ATP6V1B2: variants seen among roughly 807,000 people sequenced by gnomAD.
ATP6V1B2 encodes the protein ATPase H+ transporting V1 subunit B2.
A neutral mutation model predicts 66.7 loss-of-function variants in ATP6V1B2; 23 were observed. The ratio of observed to expected loss-of-function variants is 0.34; its 90% CI spans 0.25 to 0.49. The LOEUF is 0.49. Ranked by LOEUF, ATP6V1B2 falls within the 20% of genes least tolerant of loss-of-function variation. The pLI is 0.99. For synonymous variants in ATP6V1B2, 278 were observed against 236.7 expected (o/e 1.17, Z -1.60); for missense variants, 478 against 650.8 (o/e 0.73, Z 2.89).
At chr8:20,199,009 A>G (rs372470684) in intron 1 of ATP6V1B2, among the ~76,000 whole-genome samples, 12 of 152,222 alleles carry the variant, frequency 7.9e-5, no homozygotes, top group Non-Finnish European at 1.5e-4. Flanking sequence ...ACAGATAGAC[A>G]TTAGTGGTGC....
intron 12 of ATP6V1B2, among the ~76,000 whole-genome samples, 170 bp from the exon 13 acceptor site, chr8:20,217,983 G>A (rs1019978543): frequency 3.3e-5 from 5 of 152,186 alleles, no homozygotes; most frequent in Admixed American, 1.3e-4. Context: ...TCCTTTCTGA[G>A]TGAGAATATA....
At chr8:20,212,034 G>C in intron 7 of ATP6V1B2, 68 bp from the exon 8 acceptor site, 1 of 1,406,370 alleles carries the variant, frequency 7.1e-7, no homozygotes, top group Non-Finnish European at 9.9e-7. Context: ...TCTGTAGCTT[G>C]GCTTTCATCA....
At chr8:20,212,326 G>A in intron 8 of ATP6V1B2, 127 bp downstream of exon 8, 1 of 841,512 alleles carries the variant, frequency 1.2e-6, no homozygotes, top group Non-Finnish European at 1.9e-6. Context: ...TGTATTTAAA[G>A]TCCAGCCCTG....
intron 12 of ATP6V1B2, 60 bp downstream of exon 12, chr8:20,217,384 A>G (rs1480805616): frequency 7.0e-7 from 1 of 1,432,528 alleles, no homozygotes; most frequent in African/African-American, 1.4e-5. Context: ...GCTGTCTTAC[A>G]CCTCTTGTCT....
chr8:20,216,209 A>T (rs1247851942), intron 10 of ATP6V1B2: 3 of 386,194 alleles, frequency 7.8e-6, no homozygotes, highest in African/African-American at 6.2e-5. Flanking sequence ...TTAGATAGCC[A>T]CATTTGGCTA....
intron 1 of ATP6V1B2, among the ~76,000 whole-genome samples, chr8:20,199,604 G>GTTTTTTTT (rs11356003): frequency 2.3e-5 from 2 of 87,600 alleles, no homozygotes; most frequent in Non-Finnish European, 2.1e-5. Flanking sequence ...ATTTTTGTGG[G>GTTTTTTTT]TTTTTTTTTT....
intron 9 of ATP6V1B2, chr8:20,213,943 A>G (rs1355369641): frequency 2.0e-5 from 3 of 152,164 alleles, no homozygotes; most frequent in African/African-American, 7.2e-5. Flanking sequence ...TATATATATA[A>G]TTTACAAATG....
chr8:20,219,877 C>T (rs781440672), intron 13 of ATP6V1B2, among the ~76,000 whole-genome samples: 7 of 152,114 alleles, frequency 4.6e-5, no homozygotes, highest in African/African-American at 7.2e-5. Flanking sequence ...CTGTGTTAGT[C>T]GCCTTCAAAT....
intron 2 of ATP6V1B2, among the ~76,000 whole-genome samples, chr8:20,206,154 A>C (rs2072736830): frequency 6.6e-6 from 1 of 152,246 alleles, no homozygotes; most frequent in South Asian, 2.1e-4. Context: ...AGTGAAAGGA[A>C]AATAACTATT....
At chr8:20,199,604 G>GTTTTTTTTT (rs11356003) in intron 1 of ATP6V1B2, among the ~76,000 whole-genome samples, 2 of 87,600 alleles carry the variant, frequency 2.3e-5, no homozygotes, top group South Asian at 4.3e-4. Context: ...ATTTTTGTGG[G>GTTTTTTTTT]TTTTTTTTTT....
At chr8:20,213,620 C>G (rs569655515) in intron 9 of ATP6V1B2, 1 of 152,234 alleles carries the variant, frequency 6.6e-6, no homozygotes, top group South Asian at 2.1e-4. Flanking sequence ...CCACTGCCCT[C>G]CAGTCTGGGT....
rs757469155 is a variant in ATP6V1B2 at position 20,197,455 on chromosome 8, C to T, written c.49C>T (p.Leu17=). The change falls in exon 1 of 14, where the codon CTA becomes TTA. Residue 17 remains leucine (L), a synonymous_variant. Coordinates refer to ENST00000276390, the MANE Select transcript of ATP6V1B2 (RefSeq NM_001693.4). ...RGIVNGAAPE[L]PVPTGGPAVG... ...GATTGTCAACGGGGCCGCACCCGAG[C>T]TACCCGTGCCCACCGGTGGGCCGGC... is the stretch of plus-strand genomic sequence containing the variant. The T allele has an allele frequency of 1.4e-5, 22 of 1,539,722 alleles. No homozygotes were observed. The highest frequency in any genetic ancestry group is 1.6e-5 in the Non-Finnish European group (18 of 1,143,700).
chr8:20,212,594 T>G (rs895906284), intron 8 of ATP6V1B2, among the ~76,000 whole-genome samples, 188 bp from the exon 9 acceptor site: 4 of 152,200 alleles, frequency 2.6e-5, no homozygotes, highest in Non-Finnish European at 5.9e-5. Context: ...ACTGAGAAAT[T>G]TGGGACATTT....
At chr8:20,217,458 T>C in intron 12 of ATP6V1B2, 134 bp downstream of exon 12, 1 of 734,174 alleles carries the variant, frequency 1.4e-6, no homozygotes, top group Admixed American at 2.2e-5. Flanking sequence ...TGATGTGGAA[T>C]ACATAATCAT....
intron 1 of ATP6V1B2, chr8:20,203,864 C>G (rs2072711042): frequency 2.5e-6 from 1 of 392,198 alleles, no homozygotes; most frequent in Non-Finnish European, 5.0e-6. Context: ...CTTGTTTGAC[C>G]CCCTGGCCTT....
At chr8:20,213,487 A>C (rs1215978469) in intron 9 of ATP6V1B2, 1 of 154,142 alleles carries the variant, frequency 6.5e-6, no homozygotes, top group Non-Finnish European at 1.4e-5. Flanking sequence ...TTTCTCCACA[A>C]AAAAATTAAG....
intron 9 of ATP6V1B2, chr8:20,213,676 C>G (rs2072818814): frequency 2.6e-5 from 4 of 151,888 alleles, no homozygotes; most frequent in Non-Finnish European, 5.9e-5. Context: ...AACAGTTACC[C>G]CTAGAAGTTT....
intron 3 of ATP6V1B2, among the ~76,000 whole-genome samples, chr8:20,209,803 A>G (rs2072774955): frequency 6.6e-6 from 1 of 152,204 alleles, no homozygotes; most frequent in Non-Finnish European, 1.5e-5. Context: ...TGATGATGTG[A>G]TGAAACCAAC....
chr8:20,215,840 T>C (rs2072849086), intron 10 of ATP6V1B2: 1 of 152,262 alleles, frequency 6.6e-6, no homozygotes, highest in Admixed American at 6.5e-5. Context: ...GCCTGTGTAG[T>C]GTTGTTTACT....
Sources: allele counts gnomAD v4.1 joint callset (sites outside exome capture counted in the v4.1 genomes callset), GRCh38; gene constraint gnomAD v4.1.1; transcripts MANE v1.5; gene names NCBI Gene and HGNC (gene_info 2026-07-23, HGNC 2026-07-21).